The following SIL1 variants were observed in gnomAD, a reference collection of about 807,000 sequenced individuals.
SIL1 encodes the protein SIL1 nucleotide exchange factor.
A neutral mutation model predicts 49.1 loss-of-function variants in SIL1; 40 were observed. That is an observed-to-expected ratio of 0.81 (90% CI 0.63 to 1.06). SIL1 has a LOEUF of 1.06. Among genes scored for constraint, SIL1 ranks in the 50% least tolerant of loss-of-function variants. The pLI is 0.00. For missense variants in SIL1, 500 were observed against 572.6 expected, an observed-to-expected ratio of 0.87 and a Z score of 1.29; for synonymous variants, 253 against 250.8, an observed-to-expected ratio of 1.01 and a Z score of -0.08.
chr5:139,161,200 G>T (rs1018715366), intron 1 of SIL1, among the ~76,000 whole-genome samples: 1 of 152,142 alleles, frequency 6.6e-6, no homozygotes, highest in Non-Finnish European at 1.5e-5. Flanking sequence ...CTGAGATCGC[G>T]CCATTGCACT....
intron 3 of SIL1, among the ~76,000 whole-genome samples, chr5:139,081,092 C>T (rs115827512): frequency 6.6e-6 from 1 of 152,148 alleles, no homozygotes. Context: ...TGTTGATCCA[C>T]GTGATAAATT....
chr5:139,196,785 C>A (rs1312406633), intron 1 of SIL1, among the ~76,000 whole-genome samples: 1 of 152,182 alleles, frequency 6.6e-6, no homozygotes. Context: ...GTTCTCAAAA[C>A]CACAGACCAA....
At chr5:138,958,971 G>A (rs1766959441) in intron 7 of SIL1, among the ~76,000 whole-genome samples, 1 of 152,084 alleles carries the variant, frequency 6.6e-6, no homozygotes, top group Non-Finnish European at 1.5e-5. Context: ...TCTATGGAAT[G>A]GCATCCATTT....
intron 3 of SIL1, among the ~76,000 whole-genome samples, chr5:139,103,862 A>G (rs1581102337): frequency 6.6e-6 from 1 of 150,650 alleles, no homozygotes; most frequent in East Asian, 1.9e-4. Context: ...CTGCCCTACC[A>G]CAGATCTTGT....
rs79882450 is a variant in SIL1, at chr5:139,138,787, G to T, written c.-10-10934C>A. Among the ~76,000 whole-genome samples the T allele has an allele frequency of 6.9e-3, 1,055 of 152,294 alleles. 8 individuals are homozygous for T. The highest frequency in any genetic ancestry group is 0.024 in the African/African-American group (1,011 of 41,552). ...ATTATTAGAGAAAATTCTGAGCAAA[G>T]AATAGGATAAGCAAAAGCAGCGAGG... On this transcript the variant is annotated intron_variant, in intron 1 of 9. Transcript: ENST00000394817.
chr5:139,129,126 AAC>A (rs929138589), intron 1 of SIL1, among the ~76,000 whole-genome samples: 1 of 152,254 alleles, frequency 6.6e-6, no homozygotes, highest in African/African-American at 2.4e-5. Context: ...CAACCTGGGC[AAC>A]AGAGTGAGTA....
chr5:138,970,108 A>G (rs1767238345), intron 7 of SIL1, among the ~76,000 whole-genome samples: 2 of 152,258 alleles, frequency 1.3e-5, no homozygotes, highest in Admixed American at 1.3e-4. Context: ...GCCCCTGCAA[A>G]GCAAGACTGG....
chr5:139,112,414 G>A (rs7737148), intron 3 of SIL1, among the ~76,000 whole-genome samples: 42,936 of 150,786 alleles, frequency 0.28, 6,444 homozygotes, highest in Middle Eastern at 0.39. Flanking sequence ...GTCTCTGCCC[G>A]GCTGCCCATC....
At chr5:139,158,604 G>A (rs981138912) in intron 1 of SIL1, among the ~76,000 whole-genome samples, 1 of 151,958 alleles carries the variant, frequency 6.6e-6, no homozygotes, top group Non-Finnish European at 1.5e-5. Flanking sequence ...CTCATTCATC[G>A]CACCATGAGG....
At chr5:139,117,255 G>A (rs1771011142) in intron 3 of SIL1, among the ~76,000 whole-genome samples, 1 of 152,218 alleles carries the variant, frequency 6.6e-6, no homozygotes, top group Non-Finnish European at 1.5e-5. Context: ...ATGGCACAGT[G>A]GTTAGGAGCT....
At chr5:139,172,203 T>C (rs1751785810) in intron 1 of SIL1, among the ~76,000 whole-genome samples, 2 of 152,184 alleles carry the variant, frequency 1.3e-5, no homozygotes, top group Non-Finnish European at 2.9e-5. Flanking sequence ...AATATAATGG[T>C]ACAAAATTTC....
chr5:138,971,298 G>A (rs1001362474), intron 7 of SIL1, among the ~76,000 whole-genome samples: 1 of 152,036 alleles, frequency 6.6e-6, no homozygotes, highest in African/African-American at 2.4e-5. Context: ...TCTATTAACA[G>A]TCTGGTTGGA....
intron 3 of SIL1, among the ~76,000 whole-genome samples, chr5:139,075,983 G>A (rs1442707749): frequency 2.0e-5 from 3 of 152,242 alleles, no homozygotes; most frequent in South Asian, 2.1e-4. Context: ...CATGCTCTTG[G>A]TATCTTGAAA....
intron 3 of SIL1, among the ~76,000 whole-genome samples, chr5:139,059,176 C>T (rs1769527568): frequency 6.6e-6 from 1 of 151,996 alleles, no homozygotes; most frequent in African/African-American, 2.4e-5. Context: ...CCCTTAATTC[C>T]CACATGTCAT....
chr5:139,004,207 C>G (rs993442125), intron 7 of SIL1, among the ~76,000 whole-genome samples: 1 of 152,116 alleles, frequency 6.6e-6, no homozygotes, highest in South Asian at 2.1e-4. Flanking sequence ...TGTTATGTTT[C>G]CCAGGCTGGT....
intron 3 of SIL1, among the ~76,000 whole-genome samples, chr5:139,113,774 A>G (rs1307547005): frequency 6.6e-6 from 1 of 152,226 alleles, no homozygotes; most frequent in Non-Finnish European, 1.5e-5. Flanking sequence ...AAAAGGAAGC[A>G]AAGTCAGAGC....
chr5:139,184,687 T>TA (rs939286408), intron 1 of SIL1, among the ~76,000 whole-genome samples: 1 of 151,910 alleles, frequency 6.6e-6, no homozygotes, highest in Non-Finnish European at 1.5e-5. Context: ...AAACTACAAC[T>TA]AAAAAATAAA....
intron 1 of SIL1, among the ~76,000 whole-genome samples, chr5:139,195,677 A>G (rs547768121): frequency 2.4e-4 from 37 of 152,290 alleles, no homozygotes; most frequent in Admixed American, 2.2e-3. Context: ...GTGAGCCACC[A>G]TGCCCGGCCC....
At chr5:139,165,368 G>C (rs1294281785) in intron 1 of SIL1, among the ~76,000 whole-genome samples, 1 of 152,106 alleles carries the variant, frequency 6.6e-6, no homozygotes, top group Non-Finnish European at 1.5e-5. Context: ...GTTTTTTTGA[G>C]ATGGAGTTTC....
Sources: gnomAD v4.1 joint callset for allele counts (sites outside exome capture counted in the v4.1 genomes callset) on GRCh38, gnomAD v4.1.1 for gene constraint, MANE v1.5 for transcripts, NCBI Gene and HGNC (gene_info 2026-07-23, HGNC 2026-07-21) for gene names.